Variants in SNX29 observed in about 807,000 individuals in gnomAD.
The protein encoded by SNX29 is sorting nexin 29.
In SNX29, 78 loss-of-function variants were observed where a neutral mutation model predicts 102.1. The ratio of observed to expected loss-of-function variants is 0.76; its 90% CI spans 0.64 to 0.92. SNX29 has a LOEUF of 0.92. Among genes scored for constraint, SNX29 ranks in the 40% least tolerant of loss-of-function variants. The pLI is 0.00. For missense variants in SNX29, 1,280 were observed against 1,061.7 expected, an observed-to-expected ratio of 1.21 and a Z score of -2.86; for synonymous variants, 580 against 414.5, an observed-to-expected ratio of 1.40 and a Z score of -4.85.
chr16:12,295,349 T>C (rs1995587), intron 15 of SNX29, among the ~76,000 whole-genome samples: 108,544 of 152,214 alleles, frequency 0.71, 39,661 homozygotes, highest in African/African-American at 0.87. Flanking sequence ...TTGCCAGAAT[T>C]CCTGAACATT....
At chr16:12,437,898 C>A (rs1473547174) in intron 18 of SNX29, among the ~76,000 whole-genome samples, 14 of 152,026 alleles carry the variant, frequency 9.2e-5, no homozygotes, top group Admixed American at 5.2e-4. Context: ...TCATGCTGGG[C>A]TTGCTGCAGC....
At chr16:12,459,359 C>A (rs1479310908) in intron 18 of SNX29, among the ~76,000 whole-genome samples, 1 of 151,900 alleles carries the variant, frequency 6.6e-6, no homozygotes. Context: ...GGGTGGAACA[C>A]CCTCACGGTG....
chr16:12,271,269 G>A lies in SNX29; in HGVS notation c.1679-6664G>A, dbSNP rs527602224. Reference sequence around the variant, plus strand: ...TGTCATGGTGTCAGTTGGAGGCTGCGGTTGTCCCAAGGCTCCACTGGAGGA... The same window carrying A: ...TGTCATGGTGTCAGTTGGAGGCTGCAGTTGTCCCAAGGCTCCACTGGAGGA... On this transcript the variant is annotated intron_variant, in intron 14 of 20. Transcript: ENST00000566228. Among the ~76,000 whole-genome samples the A allele has an allele frequency of 1.7e-4, 26 of 152,352 alleles. No homozygotes were observed. The East Asian group carries it at 2.5e-3, about 15-fold the overall frequency.
intron 1 of SNX29, among the ~76,000 whole-genome samples, chr16:11,994,931 A>G (rs2056000635): frequency 6.6e-6 from 1 of 152,198 alleles, no homozygotes; most frequent in Admixed American, 6.5e-5. Context: ...TCCCTGTCAC[A>G]TGGCTAGCAA....
chr16:12,503,055 C>A (rs2089200144), intron 19 of SNX29, among the ~76,000 whole-genome samples: 1 of 152,102 alleles, frequency 6.6e-6, no homozygotes, highest in South Asian at 2.1e-4. Flanking sequence ...ATCATTCTGA[C>A]AAGGGGCCAG....
intron 4 of SNX29, among the ~76,000 whole-genome samples, chr16:12,038,217 A>G (rs566073721): frequency 1.3e-5 from 2 of 152,186 alleles, no homozygotes; most frequent in African/African-American, 4.8e-5. Flanking sequence ...CACTGTACAG[A>G]TGAAGAAAGT....
At chr16:12,071,272 A>C (rs144623158) in intron 10 of SNX29, among the ~76,000 whole-genome samples, 1,879 of 152,322 alleles carry the variant, frequency 0.012, 21 homozygotes, top group South Asian at 0.054. Flanking sequence ...GGTAATGCCT[A>C]GGTTTTCTTA....
At chr16:12,317,098 C>G (rs1047139017) in intron 15 of SNX29, among the ~76,000 whole-genome samples, 1 of 152,184 alleles carries the variant, frequency 6.6e-6, no homozygotes, top group African/African-American at 2.4e-5. Context: ...AGTGTTTCTC[C>G]CAGAAGTTTT....
intron 14 of SNX29, among the ~76,000 whole-genome samples, chr16:12,242,094 T>C (rs2078121148): frequency 6.6e-6 from 1 of 152,114 alleles, no homozygotes; most frequent in African/African-American, 2.4e-5. Context: ...GTCAGTGGAA[T>C]GTGAGAGCTG....
chr16:12,341,239 G>C (rs2081602644), intron 15 of SNX29, among the ~76,000 whole-genome samples: 1 of 152,206 alleles, frequency 6.6e-6, no homozygotes, highest in Non-Finnish European at 1.5e-5. Context: ...ATAGACCTGG[G>C]TTCAAATTCT....
intron 14 of SNX29, among the ~76,000 whole-genome samples, chr16:12,205,442 T>C (rs1046952336): frequency 6.6e-6 from 1 of 152,216 alleles, no homozygotes; most frequent in South Asian, 2.1e-4. Flanking sequence ...CCTTCAGTGC[T>C]TGTGATCTGG....
intron 5 of SNX29, among the ~76,000 whole-genome samples, chr16:12,044,423 C>A (rs909133171): frequency 1.3e-5 from 2 of 152,104 alleles, no homozygotes; most frequent in Non-Finnish European, 2.9e-5. Context: ...AATTGTATGG[C>A]AAGACTCTAT....
intron 15 of SNX29, among the ~76,000 whole-genome samples, chr16:12,333,342 T>C (rs158468): frequency 0.98 from 148,319 of 152,004 alleles, 72,483 homozygotes; most frequent in Middle Eastern, 1. Context: ...CCTGACCTCG[T>C]GATCTGCCTG....
In SNX29 at chr16:12,569,933, A is replaced by C. The variant is rs556812233; in HGVS notation, c.*1304A>C. ...AGACACAGCAGAACCTGAGGAGAAAAGCAGGTGGAAGGTGACGGTTAGATG... is the reference window on the plus strand; with the variant it reads ...AGACACAGCAGAACCTGAGGAGAAACGCAGGTGGAAGGTGACGGTTAGATG... On this transcript the variant is annotated 3_prime_UTR_variant, in exon 21 of 21. Transcript: ENST00000566228. 4.3e-6 allele frequency: 1 copy of C among 232,768 alleles called. No individual in the cohort carries two copies. Among genetic ancestry groups the C allele is most frequent in the South Asian group, 1.8e-4 (1 of 5,530 alleles). 14.4% of individuals were successfully genotyped at this position (232,768 alleles called of 1,614,324 possible). A position where few individuals can be genotyped will look rare whatever the true frequency, so the allele number is the denominator to read the frequency against.
At chr16:12,349,628 A>C (rs1688514990) in intron 15 of SNX29, among the ~76,000 whole-genome samples, 1 of 152,200 alleles carries the variant, frequency 6.6e-6, no homozygotes, top group Admixed American at 6.5e-5. Flanking sequence ...AAAAAATTCA[A>C]AATCCAAAAT....
chr16:12,425,052 C>A (rs1279136950), intron 18 of SNX29, among the ~76,000 whole-genome samples: 1 of 152,170 alleles, frequency 6.6e-6, no homozygotes, highest in Non-Finnish European at 1.5e-5. Flanking sequence ...ATCTCATAAA[C>A]AATGTTGAGT....
intron 11 of SNX29, among the ~76,000 whole-genome samples, chr16:12,084,295 G>A (rs753504053): frequency 2.0e-5 from 3 of 151,992 alleles, no homozygotes; most frequent in African/African-American, 4.8e-5. Context: ...ACAGATGCCC[G>A]CCACCACACC....
intron 18 of SNX29, among the ~76,000 whole-genome samples, chr16:12,446,572 A>G (rs1470802160): frequency 1.3e-5 from 2 of 152,168 alleles, no homozygotes; most frequent in Admixed American, 6.5e-5. Context: ...TATCAAGAAC[A>G]TTGCTCAGAA....
intron 20 of SNX29, among the ~76,000 whole-genome samples, chr16:12,539,960 T>C (rs150221201): frequency 6.6e-6 from 1 of 152,352 alleles, no homozygotes; most frequent in Non-Finnish European, 1.5e-5. Flanking sequence ...GTCGAACATG[T>C]GAGTTGCACA....
Sources: gnomAD v4.1 joint callset for allele counts (sites outside exome capture counted in the v4.1 genomes callset) on GRCh38, gnomAD v4.1.1 for gene constraint, MANE v1.5 for transcripts, NCBI Gene and HGNC (gene_info 2026-07-23, HGNC 2026-07-21) for gene names.